ASTN2: variants seen among roughly 807,000 people sequenced by gnomAD.
ASTN2 encodes the protein astrotactin 2, also known as astrotactin-2.
In ASTN2, 54 loss-of-function variants were observed where a neutral mutation model predicts 139.8. The observed-to-expected ratio is 0.39, with a 90% CI of 0.31 to 0.48. ASTN2 has a LOEUF of 0.48. ASTN2 is among the 20% of genes least tolerant of loss of function. The pLI, the probability that ASTN2 is intolerant of heterozygous loss-of-function variation, is 0.95. For missense variants in ASTN2, 1,565 were observed against 1,725.1 expected, an observed-to-expected ratio of 0.91 and a Z score of 1.64; for synonymous variants, 756 against 719.5, an observed-to-expected ratio of 1.05 and a Z score of -0.81.
chr9:116,853,656 T>C (rs980666705), intron 11 of ASTN2, among the ~76,000 whole-genome samples: 1 of 152,180 alleles, frequency 6.6e-6, no homozygotes, highest in African/African-American at 2.4e-5. Flanking sequence ...TCAGAGACCC[T>C]TTAGGCCAAA....
chr9:116,641,180 A>T (rs958528377), intron 17 of ASTN2, among the ~76,000 whole-genome samples: 4 of 152,358 alleles, frequency 2.6e-5, no homozygotes, highest in Non-Finnish European at 4.4e-5. Context: ...GAATCAATGT[A>T]GACAGAGATG....
intron 2 of ASTN2, among the ~76,000 whole-genome samples, chr9:117,287,366 C>G (rs1400004746): frequency 1.3e-5 from 2 of 152,120 alleles, no homozygotes; most frequent in African/African-American, 4.8e-5. Flanking sequence ...AGGGTACAGT[C>G]TTCGTAAGAA....
intron 20 of ASTN2, among the ~76,000 whole-genome samples, chr9:116,483,799 T>C (rs910326154): frequency 6.6e-6 from 1 of 152,154 alleles, no homozygotes; most frequent in Non-Finnish European, 1.5e-5. Context: ...TAGGATCTCA[T>C]GCACCTTGAT....
intron 1 of ASTN2, among the ~76,000 whole-genome samples, chr9:117,297,998 G>A (rs114888777): frequency 0.01 from 1,566 of 152,256 alleles, 31 homozygotes; most frequent in African/African-American, 0.036. Flanking sequence ...AAATGAATAG[G>A]CTCCTTAACA....
At chr9:117,077,448 T>C (rs1485417994) in intron 5 of ASTN2, among the ~76,000 whole-genome samples, 2 of 152,132 alleles carry the variant, frequency 1.3e-5, no homozygotes, top group Admixed American at 1.3e-4. Context: ...AAGTAAGCTA[T>C]AAAGTAAGTA....
Position 117,414,927 on chromosome 9 carries a change from G to A in ASTN2, c.12C>T (p.Ala4=), listed in dbSNP as rs1831289693. The stretch of plus-strand genomic sequence containing the variant: ...CGGGGCCGGGGCTGAGCCGGGCGCC[G>A]GCGGCGGCCATGGCGGGAGGGGCTG... MAA[A]GARLSPGPGS... is the part of the protein sequence containing the mutation. The change falls in exon 1 of 23, where the codon GCC becomes GCT. Residue 4 remains alanine, a synonymous_variant. Transcript: ENST00000313400. This position sits in a 1 kb window ranked among gnomAD's most constrained non-coding sequence, Gnocchi z 4.2. 4 of 449,754 alleles carry A rather than the reference G, an allele frequency of 8.9e-6. No homozygotes were observed. Among genetic ancestry groups the A allele is most frequent in the South Asian group, 9.3e-5 (1 of 10,804 alleles). 27.9% of individuals were successfully genotyped at this position (449,754 alleles called of 1,614,324 possible).
At chr9:117,053,117 T>C (rs900618329) in intron 5 of ASTN2, among the ~76,000 whole-genome samples, 2 of 152,200 alleles carry the variant, frequency 1.3e-5, no homozygotes, top group Admixed American at 1.3e-4. Flanking sequence ...ACCTAGGCAC[T>C]TGATGTGCAC....
At chr9:117,170,027 G>A (rs547860668) in intron 3 of ASTN2, among the ~76,000 whole-genome samples, 1 of 152,188 alleles carries the variant, frequency 6.6e-6, no homozygotes, top group East Asian at 1.9e-4. Context: ...CATGAGCATG[G>A]TCATCTCTTC....
At chr9:116,784,815 G>C (rs1366376332) in intron 13 of ASTN2, among the ~76,000 whole-genome samples, 1 of 151,752 alleles carries the variant, frequency 6.6e-6, no homozygotes, top group Non-Finnish European at 1.5e-5. Flanking sequence ...TGTGATCCCA[G>C]TTACTCGGGA....
intron 1 of ASTN2, among the ~76,000 whole-genome samples, chr9:117,319,593 ATT>A (rs3041177): frequency 0.3 from 42,874 of 143,180 alleles, 6,622 homozygotes; most frequent in East Asian, 0.48. Flanking sequence ...ATGCCCAGCA[ATT>A]TTTTTTTTTT....
intron 18 of ASTN2, 135 bp from the exon 19 acceptor site, chr9:116,618,607 T>G (rs1238100946): frequency 9.5e-7 from 1 of 1,053,392 alleles, no homozygotes; most frequent in Non-Finnish European, 1.3e-6. Flanking sequence ...ATCGCCAACT[T>G]GCATGACCGT....
At chr9:116,674,871 TA>T (rs1285289146) in intron 16 of ASTN2, among the ~76,000 whole-genome samples, 3 of 152,162 alleles carry the variant, frequency 2.0e-5, no homozygotes, top group Non-Finnish European at 2.9e-5. Context: ...AAGTTATCCT[TA>T]AAAACTCTGC....
At chr9:116,442,968 C>G (rs1180551265) in intron 20 of ASTN2, among the ~76,000 whole-genome samples, 1 of 152,004 alleles carries the variant, frequency 6.6e-6, no homozygotes, top group East Asian at 1.9e-4. Flanking sequence ...ATTTACTGCA[C>G]ACCAGGAAGT....
intron 13 of ASTN2, among the ~76,000 whole-genome samples, chr9:116,753,701 G>A (rs2132157592): frequency 6.6e-6 from 1 of 152,228 alleles, no homozygotes; most frequent in Non-Finnish European, 1.5e-5. Flanking sequence ...ATAATAGCAT[G>A]CATAGTCTAG....
At position 116,733,316 on chromosome 9, in the gene ASTN2, C is replaced by A. The variant is rs552055765; in HGVS notation, c.2521+83G>T. ...AGGCTTGACAGAGCCCATCTTGGAT[C>A]TGCTGAAGACTGATATGCACTAGGT... On this transcript the variant is annotated intron_variant, in intron 14 of 22. Transcript: ENST00000313400. The A allele has an allele frequency of 4.3e-4, 660 of 1,542,906 alleles. 2 individuals are homozygous for A. The highest frequency in any genetic ancestry group is 4.5e-4 in the Non-Finnish European group (512 of 1,128,990).
chr9:116,874,632 A>G (rs781139975), intron 10 of ASTN2, among the ~76,000 whole-genome samples: 4 of 152,212 alleles, frequency 2.6e-5, no homozygotes, highest in Non-Finnish European at 5.9e-5. Context: ...AAACAAATAA[A>G]GATCCTCAAT....
intron 17 of ASTN2, among the ~76,000 whole-genome samples, chr9:116,644,576 A>C (rs1016321732): frequency 2.6e-5 from 4 of 152,216 alleles, no homozygotes; most frequent in African/African-American, 9.6e-5. Context: ...ATGTGACCTG[A>C]AAAAACTCAG....
At chr9:116,784,797 C>T (rs930574406) in intron 13 of ASTN2, among the ~76,000 whole-genome samples, 12 of 151,904 alleles carry the variant, frequency 7.9e-5, no homozygotes, top group African/African-American at 2.2e-4. Flanking sequence ...GGCGTGGTGC[C>T]GCATGCCTGT....
intron 19 of ASTN2, among the ~76,000 whole-genome samples, chr9:116,587,257 C>T (rs1052294775): frequency 1.3e-5 from 2 of 149,978 alleles, no homozygotes; most frequent in Admixed American, 6.7e-5. Flanking sequence ...AGGAGAATTG[C>T]TTGAACCCAG....
Sources: gnomAD v4.1 joint callset for allele counts (sites outside exome capture counted in the v4.1 genomes callset) on GRCh38, gnomAD v4.1.1 for gene constraint, Gnocchi (gnomAD v3.1) non-coding constraint, MANE v1.5 for transcripts, NCBI Gene and HGNC (gene_info 2026-07-23, HGNC 2026-07-21) for gene names.